Variants in XRCC5 observed in about 807,000 individuals in gnomAD.
XRCC5 encodes the protein DNA repair protein Ku80.
In XRCC5, 12 loss-of-function variants were observed where a neutral mutation model predicts 95.7. The observed-to-expected ratio is 0.13, with a 90% CI of 0.08 to 0.20. The LOEUF (loss-of-function observed/expected upper bound fraction) is 0.20, where lower values mean the gene tolerates loss of function less well. XRCC5 is among the 10% of genes least tolerant of loss of function. The probability of loss-of-function intolerance (pLI) is 1.00; values close to 1 mark genes in which losing one functional copy is unlikely to be tolerated. For missense variants in XRCC5, 595 were observed against 873.9 expected, an observed-to-expected ratio of 0.68 and a Z score of 4.02; for synonymous variants, 281 against 290.3, an observed-to-expected ratio of 0.97 and a Z score of 0.33.
At chr2:216,115,528 A>G (rs1192569854) in intron 2 of XRCC5, among the ~76,000 whole-genome samples, 1 of 132,054 alleles carries the variant, frequency 7.6e-6, no homozygotes, top group Non-Finnish European at 1.8e-5. Flanking sequence ...TCCATGTACA[A>G]CTGGGAATTG....
At chr2:216,145,538 A>C (rs767817341) in intron 13 of XRCC5, among the ~76,000 whole-genome samples, 1 of 152,244 alleles carries the variant, frequency 6.6e-6, no homozygotes, top group Non-Finnish European at 1.5e-5. Context: ...AGGTGATCTC[A>C]GCTTCCCATC....
intron 19 of XRCC5, among the ~76,000 whole-genome samples, chr2:216,199,808 ATCTTTTTTTTT>A (rs1689801492): frequency 8.2e-6 from 1 of 121,890 alleles, no homozygotes. Flanking sequence ...TGGCATTGGG[ATCTTTTTTTTT>A]TTTTTTTTTT....
At chr2:216,187,601 A>G (rs759887271) in intron 16 of XRCC5, among the ~76,000 whole-genome samples, 5 of 150,688 alleles carry the variant, frequency 3.3e-5, no homozygotes, top group African/African-American at 7.3e-5. Flanking sequence ...TCGCAAAGCA[A>G]TTTAGTACCT....
At chr2:216,115,390 T>A (rs1574449941) in intron 2 of XRCC5, among the ~76,000 whole-genome samples, 1 of 152,152 alleles carries the variant, frequency 6.6e-6, no homozygotes, top group Non-Finnish European at 1.5e-5. Flanking sequence ...TCCCCTCCCA[T>A]GACTGAGATT....
intron 14 of XRCC5, among the ~76,000 whole-genome samples, chr2:216,154,583 AAAAC>A (rs1465608987): frequency 6.6e-6 from 1 of 152,222 alleles, no homozygotes; most frequent in Non-Finnish European, 1.5e-5. Flanking sequence ...GTGAGTTTAA[AAAAC>A]AAACCTGATC....
chr2:216,145,630 C>T (rs1252763759), intron 13 of XRCC5, among the ~76,000 whole-genome samples: 4 of 152,134 alleles, frequency 2.6e-5, no homozygotes, highest in African/African-American at 7.2e-5. Flanking sequence ...GTAAGTATCT[C>T]GCTTAGCTTA....
chr2:216,198,515 C>A (rs1689773270), intron 19 of XRCC5, among the ~76,000 whole-genome samples: 1 of 151,546 alleles, frequency 6.6e-6, no homozygotes, highest in Non-Finnish European at 1.5e-5. Flanking sequence ...AAAACTTGAT[C>A]CTTTGTATGA....
chr2:216,174,066 CCTTCT>C (rs2106035323), intron 16 of XRCC5, among the ~76,000 whole-genome samples: 1 of 152,222 alleles, frequency 6.6e-6, no homozygotes, highest in South Asian at 2.1e-4. Context: ...TAGGAAGTTT[CCTTCT>C]CTTCAAGATT....
intron 13 of XRCC5, among the ~76,000 whole-genome samples, chr2:216,144,533 A>G (rs1252941025): frequency 6.6e-6 from 1 of 152,240 alleles, no homozygotes; most frequent in African/African-American, 2.4e-5. Context: ...TGATTGATGG[A>G]AAATAAAGAG....
Position 216,148,213 on chromosome 2 carries a change from T to G in XRCC5, c.1607T>G (p.Leu536Arg). Residue 536 changes from leucine to arginine, a missense_variant, in exon 14 of 21, where the codon CTT becomes CGT. Physicochemically the swap from Leu to Arg is moderately radical, Grantham distance 102. Transcript: ENST00000392132. Reference protein sequence around the residue: ...SQIPLSKIKTLFPLIEAKKKD... With the variant: ...SQIPLSKIKTRFPLIEAKKKD... ...ATTCCTCTCTCTAAAATAAAGACCC[T>G]TTTTCCTCTGATTGAAGCCAAGAAA... 1 of 1,612,778 alleles carries G rather than the reference T, an allele frequency of 6.2e-7. No individual in the cohort carries two copies. Among genetic ancestry groups the G allele is most frequent in the East Asian group, 2.2e-5 (1 of 44,856 alleles).
chr2:216,202,474 T>A (rs2287559), intron 19 of XRCC5, among the ~76,000 whole-genome samples: 55,077 of 152,104 alleles, frequency 0.36, 10,973 homozygotes, highest in East Asian at 0.72. Flanking sequence ...AGATTTTTTA[T>A]TCATTTATCT....
chr2:216,194,805 T>C (rs1448061864), intron 18 of XRCC5, 114 bp from the exon 19 acceptor site: 10 of 988,988 alleles, frequency 1.0e-5, no homozygotes, highest in Non-Finnish European at 3.2e-6. Flanking sequence ...ACCCTGTCTC[T>C]ATTTAAAAAA....
intron 1 of XRCC5, among the ~76,000 whole-genome samples, chr2:216,111,001 C>T (rs886539754): frequency 1.3e-5 from 2 of 152,022 alleles, no homozygotes; most frequent in African/African-American, 4.8e-5. Context: ...TGAGATATAA[C>T]CACATTTAGA....
intron 12 of XRCC5, among the ~76,000 whole-genome samples, chr2:216,140,882 G>A (rs1048613960): frequency 3.2e-4 from 49 of 152,142 alleles, no homozygotes; most frequent in African/African-American, 1.0e-3. Context: ...TCCTTATAGG[G>A]ATTGGTTTTT....
chr2:216,199,349 G>GA (rs1406596830), intron 19 of XRCC5, among the ~76,000 whole-genome samples: 1 of 152,116 alleles, frequency 6.6e-6, no homozygotes, highest in East Asian at 1.9e-4. Flanking sequence ...AGTTTTTCTA[G>GA]AAATATGTGG....
intron 19 of XRCC5, among the ~76,000 whole-genome samples, chr2:216,201,789 T>C (rs1192814907): frequency 6.6e-6 from 1 of 152,208 alleles, no homozygotes; most frequent in East Asian, 1.9e-4. Context: ...CTCTGCTCTA[T>C]CTTGCTTCCC....
rs1242283136 is a variant in XRCC5, at chr2:216,115,027, AAAC to A, written c.136-1629_136-1627del. On this transcript the variant is annotated intron_variant, in intron 2 of 20. Coordinates refer to ENST00000392132, the MANE Select transcript of XRCC5 (RefSeq NM_021141.4). Reference sequence around the variant, plus strand: ...TGGGGGGCGGGGCGGTCTAAAAACTAAACAAAGAAGGGCGCAGGGCACTTGATT... The same window carrying A: ...TGGGGGGCGGGGCGGTCTAAAAACTAAAAGAAGGGCGCAGGGCACTTGATT... Among the ~76,000 whole-genome samples the A allele has an allele frequency of 3.4e-5, 5 of 147,674 alleles. No individual in the cohort carries two copies. The East Asian group carries it at 9.6e-4, about 28-fold the overall frequency.
chr2:216,117,586 A>G (rs945724774), intron 3 of XRCC5, 160 bp from the exon 4 acceptor site: 5 of 608,702 alleles, frequency 8.2e-6, no homozygotes, highest in Non-Finnish European at 1.5e-5. Context: ...ATGTATGAAT[A>G]TATGTTAGTG....
At chr2:216,159,974 CTTTTT>C in intron 14 of XRCC5, 89 bp from the exon 15 acceptor site, 1 of 481,850 alleles carries the variant, frequency 2.1e-6, no homozygotes, top group Non-Finnish European at 3.4e-6. Context: ...CTTCTTTTTT[CTTTTT>C]TTTTTTTGGT....
Sources: allele counts gnomAD v4.1 joint callset (sites outside exome capture counted in the v4.1 genomes callset), GRCh38; gene constraint gnomAD v4.1.1; transcripts MANE v1.5; gene names NCBI Gene and HGNC (gene_info 2026-07-23, HGNC 2026-07-21).